PKD1: variants seen among roughly 807,000 people sequenced by gnomAD.
The protein encoded by PKD1 is polycystin-1.
PKD1 carries 81 observed loss-of-function variants against 361.7 expected under a neutral mutation model. The observed-to-expected ratio is 0.22, with a 90% CI of 0.19 to 0.27. PKD1 has a LOEUF of 0.27. Ranked by LOEUF, PKD1 falls within the 10% of genes least tolerant of loss-of-function variation. PKD1 has a pLI of 1.00. For missense variants in PKD1, 6,399 were observed against 6,118.3 expected (o/e 1.05, Z -1.53); for synonymous variants, 3,615 against 2,818.3 (o/e 1.28, Z -8.95).
At position 2,090,790 on chromosome 16, in the gene PKD1, A is replaced by G. The variant is rs1367944074; in HGVS notation, c.12022T>C (p.Phe4008Leu). ...CCAAAGACGGACCACTGGCGCACGA[A>G]GCGTAGCTGCTGGGCAGCCTGCGGA... ...LLVKAAQQLR[F>L]VRQWSVFGKT... is the part of the protein sequence containing the mutation. The change falls in exon 44 of 46, where the codon TTC (phenylalanine) becomes CTC (leucine). Residue 4008 changes from phenylalanine (F) to leucine (L), a missense_variant. Phe to Leu is a conservative substitution (Grantham distance 22, BLOSUM62 0). Transcript: ENST00000262304. 1 of 1,612,416 alleles carries G rather than the reference A, an allele frequency of 6.2e-7. No individual in the cohort carries two copies. The highest frequency in any genetic ancestry group is 1.3e-5 in the African/African-American group (1 of 74,928).
At chr16:2,091,981 G>T (rs2091607382) in intron 40 of PKD1, 66 bp downstream of exon 40, 5 of 1,612,104 alleles carry the variant, frequency 3.1e-6, no homozygotes, top group South Asian at 1.1e-5. Flanking sequence ...TCAGGAGGCC[G>T]CGGCACTCCT....
chr16:2,091,426 G>C lies in PKD1; in HGVS notation c.11709C>G (p.Thr3903=), dbSNP rs1278230370. The C allele has an allele frequency of 1.3e-5, 15 of 1,173,524 alleles. No homozygotes were observed. Among genetic ancestry groups the C allele is most frequent in the African/African-American group, 1.7e-5 (1 of 59,956 alleles). The allele number at this position is 1,173,524 out of a possible 1,614,324, so 72.7% of individuals were successfully genotyped here. Residue 3903 remains threonine, a synonymous_variant, in exon 42 of 46, where the codon ACC becomes ACG. Coordinates refer to ENST00000262304, the MANE Select transcript of PKD1 (RefSeq NM_001009944.3). The part of the protein sequence containing the change: ...LSAGLSLPLL[T]SVCLLLFAVH... Reference sequence around the variant, plus strand: ...GTCTGGCCGGGGACGGGCGTACCGAGGTGAGCAGAGGCAGCGAGAGGCCCG... The same window carrying C: ...GTCTGGCCGGGGACGGGCGTACCGACGTGAGCAGAGGCAGCGAGAGGCCCG...
At position 2,102,902 on chromosome 16, in the gene PKD1, C is replaced by T; in HGVS notation, c.8860G>A (p.Glu2954Lys). The T allele has an allele frequency of 6.2e-7, 1 of 1,609,982 alleles. No individual in the cohort carries two copies. Among genetic ancestry groups the T allele is most frequent in the South Asian group, 1.1e-5 (1 of 90,992 alleles). The change falls in exon 24 of 46, where the codon GAG (glutamate) becomes AAG (lysine). Residue 2954 changes from glutamate to lysine, a missense_variant. Physicochemically the swap from Glu to Lys is moderately conservative, Grantham distance 56. Coordinates refer to ENST00000262304, the MANE Select transcript of PKD1 (RefSeq NM_001009944.3). ...VYLHSEPRPN[E>K]HNCSASRRIR... ...CTCCTGCTAGCCGAGCAGTTGTGCT[C>T]ATTGGGCCGGGGCTCCGAGTGTAGG...
chr16:2,119,280 A>G (rs1205524355), intron 2 of PKD1, 27 bp downstream of exon 2: 7 of 1,087,786 alleles, frequency 6.4e-6, no homozygotes, highest in Non-Finnish European at 9.5e-6. Flanking sequence ...TGAGCCCCGC[A>G]TGCTGGCACG....
At chr16:2,124,938 C>T (rs998755566) in intron 1 of PKD1, among the ~76,000 whole-genome samples, 28 of 152,314 alleles carry the variant, frequency 1.8e-4, no homozygotes, top group Non-Finnish European at 3.5e-4. Flanking sequence ...GGTTCCCCTC[C>T]GCCCAGCAAG....
intron 29 of PKD1, 41 bp from the exon 30 acceptor site, chr16:2,099,811 G>T (rs975603252): frequency 2.6e-6 from 4 of 1,554,558 alleles, no homozygotes; most frequent in Non-Finnish European, 2.6e-6. Flanking sequence ...AGGCTGAGGG[G>T]CAGGAAGGGC....
At position 2,106,784 on chromosome 16, in the gene PKD1, C is replaced by G; in HGVS notation, c.7209+21G>C. Reference sequence around the variant, plus strand: ...CCATGGGACCCATCCCCAGCCCGCCCACACCCCGCTCAACACTCACCCCTC... The same window carrying G: ...CCATGGGACCCATCCCCAGCCCGCCGACACCCCGCTCAACACTCACCCCTC... On this transcript the variant is annotated intron_variant, in intron 17 of 45. Transcript: ENST00000262304. The surrounding 1 kb of genome is among the most constrained non-coding windows in gnomAD (Gnocchi z 6.5). The G allele has an allele frequency of 6.6e-7, 1 of 1,504,182 alleles. No individual in the cohort carries two copies. Among genetic ancestry groups the G allele is most frequent in the Non-Finnish European group, 9.1e-7 (1 of 1,100,258 alleles). 93.2% of individuals were successfully genotyped at this position (1,504,182 alleles called of 1,614,324 possible). A position where few individuals can be genotyped will look rare whatever the true frequency, so the allele number is the denominator to read the frequency against.
rs2092455643 is a variant in PKD1, at chr16:2,109,898, C to T, written c.5269G>A (p.Gly1757Arg). 5 of 1,610,504 alleles carry T rather than the reference C, an allele frequency of 3.1e-6. No homozygotes were observed. Among genetic ancestry groups the T allele is most frequent in the East Asian group, 2.2e-5 (1 of 44,894 alleles). Residue 1757 changes from glycine to arginine, a missense_variant, in exon 15 of 46, where the codon GGG (glycine) becomes AGG (arginine). Physicochemically the swap from Gly to Arg is moderately radical, Grantham distance 125. Coordinates refer to ENST00000262304, the MANE Select transcript of PKD1 (RefSeq NM_001009944.3). ...GVVYTWSLEE[G>R]LSWETSEPFT... ...GGCTCGGAGGTCTCCCAGCTCAGCCCCTCCTCCAAGGACCAAGTGTATACG... is the reference window on the plus strand; with the variant it reads ...GGCTCGGAGGTCTCCCAGCTCAGCCTCTCCTCCAAGGACCAAGTGTATACG...
chr16:2,092,757 C>CT, intron 38 of PKD1, 165 bp from the exon 39 acceptor site: 1 of 832,526 alleles, frequency 1.2e-6, no homozygotes. Flanking sequence ...AGACAGTTGT[C>CT]TGTCATGGGC....
chr16:2,092,692 G>C, intron 38 of PKD1, 100 bp from the exon 39 acceptor site: 4 of 915,488 alleles, frequency 4.4e-6, no homozygotes, highest in Non-Finnish European at 7.0e-6. Context: ...CCACTGCCCT[G>C]CTGGCCACGG....
At position 2,118,101 on chromosome 16, in the gene PKD1, C is replaced by A; in HGVS notation, c.891G>T (p.Pro297=). Residue 297 remains proline, a synonymous_variant, in exon 5 of 46, where the codon CCG becomes CCT. Transcript: ENST00000262304. This position sits in a 1 kb window ranked among gnomAD's most constrained non-coding sequence, Gnocchi z 6.0. The part of the protein sequence containing the change: ...GQLAAFHIAA[P]LPVTATRWDF... ...CCCAGCGTGTGGCAGTGACAGGGAG[C>A]GGGGCAGCGATGTGGAAGGCTGCTA... 1.9e-6 allele frequency: 3 copies of A among 1,606,010 alleles called. No homozygotes were observed. The highest frequency in any genetic ancestry group is 2.5e-6 in the Non-Finnish European group (3 of 1,178,376).
intron 33 of PKD1, 32 bp from the exon 34 acceptor site, chr16:2,097,273 G>C (rs748613901): frequency 1.2e-6 from 2 of 1,606,312 alleles, no homozygotes; most frequent in African/African-American, 1.3e-5. Context: ...GGTGGGCCCA[G>C]CTGCAAGGGT....
chr16:2,091,753 C>CG (rs1567152762), intron 41 of PKD1, 28 bp downstream of exon 41: 1 of 1,608,256 alleles, frequency 6.2e-7, no homozygotes, highest in Admixed American at 1.7e-5. Flanking sequence ...GCGGCCACCC[C>CG]GGAGAGGGCA....
Position 2,110,965 on chromosome 16 carries a change from A to C in PKD1, c.4202T>G (p.Val1401Gly), listed in dbSNP as rs1596560010. The C allele has an allele frequency of 6.2e-7, 1 of 1,610,458 alleles. No homozygotes were observed. Among genetic ancestry groups the C allele is most frequent in the Non-Finnish European group, 8.5e-7 (1 of 1,179,630 alleles). ...GGGGAACGGGGGCCAGGCACATGCC[A>C]CCAGCCAGGCCTCGTCCCCGAGCTG... ...FVQLGDEAWL[V>G]ACAWPPFPYR... The change falls in exon 15 of 46, where the codon GTG becomes GGG. Residue 1401 changes from valine (V) to glycine (G), a missense_variant. Physicochemically the swap from Val to Gly is moderately radical, Grantham distance 109. Coordinates refer to ENST00000262304, the MANE Select transcript of PKD1 (RefSeq NM_001009944.3).
In PKD1 at chr16:2,089,856, G is replaced by C. The variant is rs1369759742; in HGVS notation, c.12783C>G (p.Gly4261=). Residue 4261 remains glycine, a synonymous_variant, in exon 46 of 46, where the codon GGC becomes GGG. Transcript: ENST00000262304. ...SSRAPAGSSR[G]PSPGLRPALP... ...GTGCTGGCCGCAGGCCCGGGGATGGGCCACGGGAAGATCCGGCGGGCGCCC... is the reference window on the plus strand; with the variant it reads ...GTGCTGGCCGCAGGCCCGGGGATGGCCCACGGGAAGATCCGGCGGGCGCCC... 6.2e-7 allele frequency: 1 copy of C among 1,608,584 alleles called. No individual in the cohort carries two copies. Among genetic ancestry groups the C allele is most frequent in the South Asian group, 1.1e-5 (1 of 90,324 alleles).
chr16:2,108,630 G>A lies in PKD1; in HGVS notation c.6537C>T (p.Val2179=). 6.4e-7 allele frequency: 1 copy of A among 1,560,396 alleles called. No homozygotes were observed. The highest frequency in any genetic ancestry group is 1.4e-5 in the African/African-American group (1 of 74,038). ...CCCAGCGGTACTCAGTCTGGTAGGT[G>A]ACGCAGTCGCGCAGGTCAACGTGGG... is the stretch of plus-strand genomic sequence containing the variant. The part of the protein sequence containing the change: ...LEAHVDLRDC[V]TYQTEYRWEV... Residue 2179 remains valine, a synonymous_variant, in exon 15 of 46, where the codon GTC becomes GTT. Transcript: ENST00000262304.
intron 30 of PKD1, chr16:2,099,133 T>C: frequency 3.6e-6 from 1 of 278,244 alleles, no homozygotes; most frequent in South Asian, 3.6e-5. Flanking sequence ...CGCCTGGCCC[T>C]TTTTAATGTT....
intron 1 of PKD1, among the ~76,000 whole-genome samples, chr16:2,124,917 C>T (rs894557315): frequency 9.9e-5 from 15 of 152,196 alleles, no homozygotes; most frequent in African/African-American, 3.1e-4. Context: ...CCGTCCTCTC[C>T]TGGAGGAGCT....
In PKD1 at chr16:2,108,982, T is replaced by C. The variant is rs201062488; in HGVS notation, c.6185A>G (p.Gln2062Arg). 6 of 1,610,228 alleles carry C rather than the reference T, an allele frequency of 3.7e-6. No homozygotes were observed. The highest frequency in any genetic ancestry group is 3.3e-5 in the South Asian group (3 of 90,958). The change falls in exon 15 of 46, where the codon CAG becomes CGG. Residue 2062 changes from glutamine to arginine, a missense_variant. Gln to Arg is a conservative substitution (Grantham distance 43). Transcript: ENST00000262304. ...GGGGCCGCTCTGCAGGGCCACATAC[T>C]GGACGGCGTCCTGAACCTCCAGCAC... ...TLVLEVQDAV[Q>R]YVALQSGPCF... is the part of the protein sequence containing the mutation.
Sources: allele counts gnomAD v4.1 joint callset (sites outside exome capture counted in the v4.1 genomes callset), GRCh38; gene constraint gnomAD v4.1.1; non-coding constraint Gnocchi (gnomAD v3.1); transcripts MANE v1.5; gene names NCBI Gene and HGNC (gene_info 2026-07-23, HGNC 2026-07-21).